BRINP3: variants seen among roughly 807,000 people sequenced by gnomAD.
BRINP3 encodes the protein BMP/retinoic acid-inducible neural-specific protein 3.
Under a neutral mutation model 71.0 loss-of-function variants are expected in BRINP3, and 19 were observed. That is an observed-to-expected ratio of 0.27 (90% CI 0.19 to 0.39). BRINP3 has a LOEUF of 0.39. BRINP3 is among the 10% of genes least tolerant of loss of function. The probability of loss-of-function intolerance (pLI) is 1.00; values close to 1 mark genes in which losing one functional copy is unlikely to be tolerated. For missense variants in BRINP3, 959 were observed against 940.8 expected, an observed-to-expected ratio of 1.02 and a Z score of -0.25; for synonymous variants, 380 against 337.7, an observed-to-expected ratio of 1.13 and a Z score of -1.37.
chr1:190,101,918 G>C (rs1557967521), intron 7 of BRINP3, among the ~76,000 whole-genome samples: 1 of 152,110 alleles, frequency 6.6e-6, no homozygotes, highest in Non-Finnish European at 1.5e-5. Flanking sequence ...TTGCATGTCT[G>C]GCAAATACAT....
chr1:190,199,825 C>CT (rs1558057844), intron 6 of BRINP3, among the ~76,000 whole-genome samples: 1 of 149,142 alleles, frequency 6.7e-6, no homozygotes, highest in Non-Finnish European at 1.5e-5. Flanking sequence ...AACCATTTTT[C>CT]TTTTTTCTAG....
At chr1:190,400,870 C>A (rs1671875757) in intron 2 of BRINP3, among the ~76,000 whole-genome samples, 1 of 152,174 alleles carries the variant, frequency 6.6e-6, no homozygotes, top group African/African-American at 2.4e-5. Flanking sequence ...GTGCAATTCC[C>A]TAACAACTAT....
At chr1:190,332,232 T>C (rs910922727) in intron 2 of BRINP3, among the ~76,000 whole-genome samples, 2 of 152,064 alleles carry the variant, frequency 1.3e-5, no homozygotes, top group African/African-American at 4.8e-5. Context: ...CTCTTACTTA[T>C]CTTTCATTTC....
chr1:190,428,620 T>A (rs564379404), intron 2 of BRINP3, among the ~76,000 whole-genome samples: 26 of 152,202 alleles, frequency 1.7e-4, no homozygotes, highest in African/African-American at 6.0e-4. Flanking sequence ...ATCAGCTATT[T>A]CCCAGTTATT....
intron 4 of BRINP3, among the ~76,000 whole-genome samples, chr1:190,244,586 G>A (rs1308783569): frequency 1.3e-5 from 2 of 152,044 alleles, no homozygotes; most frequent in African/African-American, 4.8e-5. Flanking sequence ...AGAATCCAGG[G>A]CATTGACAGC....
intron 7 of BRINP3, among the ~76,000 whole-genome samples, chr1:190,117,583 C>T (rs916787768): frequency 1.3e-5 from 2 of 151,866 alleles, no homozygotes; most frequent in African/African-American, 4.8e-5. Context: ...TAAAGCATCT[C>T]CCAGATCTCA....
intron 7 of BRINP3, among the ~76,000 whole-genome samples, chr1:190,103,693 T>C (rs896495872): frequency 6.6e-6 from 1 of 152,040 alleles, no homozygotes; most frequent in African/African-American, 2.4e-5. Flanking sequence ...AAGTTGAAAG[T>C]TCTGTAGAGA....
chr1:190,445,138 G>A (rs1675122360), intron 2 of BRINP3, among the ~76,000 whole-genome samples: 1 of 151,432 alleles, frequency 6.6e-6, no homozygotes, highest in Admixed American at 6.6e-5. Context: ...AATTTACTTT[G>A]GGGAAATTAA....
chr1:190,153,518 G>C lies in BRINP3; in HGVS notation c.1184+7150C>G, dbSNP rs189790819. On this transcript the variant is annotated intron_variant, in intron 7 of 7. Transcript: ENST00000367462. ...TCATTATTACTGAGTATGTGCTTGT[G>C]AGTCATCCTGGAGTGCCTGAAACTA... 6.6e-5 allele frequency among the ~76,000 whole-genome samples: 10 copies of C among 152,164 alleles called. No homozygotes were observed. The East Asian group carries it at 1.9e-3, about 29-fold the overall frequency.
chr1:190,400,601 ATAGAT>A (rs1467594884), intron 2 of BRINP3, among the ~76,000 whole-genome samples: 2 of 152,170 alleles, frequency 1.3e-5, no homozygotes, highest in Non-Finnish European at 2.9e-5. Flanking sequence ...CCATGATTTT[ATAGAT>A]TAGTTTGTAT....
intron 2 of BRINP3, among the ~76,000 whole-genome samples, chr1:190,408,019 C>CTTTTTTTTTTTTT (rs34343187): frequency 4.0e-5 from 4 of 99,782 alleles, no homozygotes; most frequent in Non-Finnish European, 5.3e-5. Flanking sequence ...CTACATTTGT[C>CTTTTTTTTTTTTT]TTTTTTTTTT....
At chr1:190,463,986 A>G (rs923500739) in intron 1 of BRINP3, among the ~76,000 whole-genome samples, 1 of 151,902 alleles carries the variant, frequency 6.6e-6, no homozygotes, top group Non-Finnish European at 1.5e-5. Context: ...CTCCAACAAG[A>G]GTATGGATAA....
chr1:190,299,542 C>T (rs1377978714), intron 2 of BRINP3, among the ~76,000 whole-genome samples: 4 of 150,954 alleles, frequency 2.6e-5, no homozygotes, highest in African/African-American at 9.7e-5. Flanking sequence ...ACTAACTCGT[C>T]ATCTAGCATT....
chr1:190,403,698 C>T (rs760980063), intron 2 of BRINP3, among the ~76,000 whole-genome samples: 1 of 152,080 alleles, frequency 6.6e-6, no homozygotes, highest in South Asian at 2.1e-4. Context: ...AATGAAAGAG[C>T]GACTTTGTAG....
At position 190,296,076 on chromosome 1, in the gene BRINP3, T is replaced by TGG. The variant is rs1041779984; in HGVS notation, c.237-14328_237-14327dup. The stretch of plus-strand genomic sequence containing the variant: ...TTGTTTGCTTTTGTGGTTTTTTTTT[T>TGG]GGGGGGGGGCTGGGCTTTTGGTGTT... On this transcript the variant is annotated intron_variant, in intron 2 of 7. Coordinates refer to ENST00000367462, the MANE Select transcript of BRINP3 (RefSeq NM_199051.3). Among the ~76,000 whole-genome samples the TGG allele has an allele frequency of 5.5e-5, 8 of 145,584 alleles. No homozygotes were observed. The East Asian group carries it at 1.2e-3, about 23-fold the overall frequency.
chr1:190,319,489 G>GT (rs1405179322), intron 2 of BRINP3, among the ~76,000 whole-genome samples: 2 of 152,048 alleles, frequency 1.3e-5, no homozygotes, highest in Non-Finnish European at 2.9e-5. Context: ...TTGAGGCTGG[G>GT]TAATTTATAT....
intron 7 of BRINP3, among the ~76,000 whole-genome samples, chr1:190,118,871 G>A (rs188958726): frequency 1.3e-5 from 2 of 152,138 alleles, no homozygotes; most frequent in South Asian, 2.1e-4. Context: ...CATTCGTTTA[G>A]TAATTCATTC....
At chr1:190,222,069 C>A (rs1656940619) in intron 6 of BRINP3, among the ~76,000 whole-genome samples, 2 of 151,590 alleles carry the variant, frequency 1.3e-5, no homozygotes, top group African/African-American at 2.4e-5. Flanking sequence ...TCTAATGGGC[C>A]CTAGATGACA....
At chr1:190,173,583 C>G (rs1044669881) in intron 6 of BRINP3, among the ~76,000 whole-genome samples, 4 of 152,116 alleles carry the variant, frequency 2.6e-5, no homozygotes, top group African/African-American at 9.7e-5. Context: ...GAATGGAAGT[C>G]TTTAAAGCAA....
Sources: gnomAD v4.1 joint callset for allele counts (sites outside exome capture counted in the v4.1 genomes callset) on GRCh38, gnomAD v4.1.1 for gene constraint, MANE v1.5 for transcripts, NCBI Gene and HGNC (gene_info 2026-07-23, HGNC 2026-07-21) for gene names.